DLGAP1: variants seen among roughly 807,000 people sequenced by gnomAD.
The protein encoded by DLGAP1 is DLG associated protein 1, also known as disks large-associated protein 1.
A neutral mutation model predicts 90.8 loss-of-function variants in DLGAP1; 11 were observed. The ratio of observed to expected loss-of-function variants is 0.12; its 90% confidence interval spans 0.08 to 0.20. The LOEUF (loss-of-function observed/expected upper bound fraction) is 0.20, where lower values mean the gene tolerates loss of function less well. Ranked by LOEUF, DLGAP1 falls within the 10% of genes least tolerant of loss-of-function variation. The pLI, the probability that DLGAP1 is intolerant of heterozygous loss-of-function variation, is 1.00. For missense variants in DLGAP1, 1,050 were observed against 1,333.8 expected, an observed-to-expected ratio of 0.79 and a Z score of 3.31; for synonymous variants, 558 against 540.7, an observed-to-expected ratio of 1.03 and a Z score of -0.44.
chr18:4,327,715 T>G (rs2080854006), intron 1 of DLGAP1, among the ~76,000 whole-genome samples: 1 of 152,070 alleles, frequency 6.6e-6, no homozygotes, highest in South Asian at 2.1e-4. Context: ...GTGAAAGCTC[T>G]CTTGCATCCA....
chr18:3,939,466 A>C (rs2072720987), intron 3 of DLGAP1, among the ~76,000 whole-genome samples: 1 of 150,804 alleles, frequency 6.6e-6, no homozygotes, highest in Non-Finnish European at 1.5e-5. Flanking sequence ...AAAAAAACAA[A>C]CAAACAAAAA....
At chr18:4,406,943 T>A (rs1227210700) in intron 1 of DLGAP1, among the ~76,000 whole-genome samples, 1 of 152,208 alleles carries the variant, frequency 6.6e-6, no homozygotes, top group Non-Finnish European at 1.5e-5. Flanking sequence ...AAAAGCAATT[T>A]CTGTGGTCTC....
At chr18:3,772,954 C>CT (rs1341256765) in intron 5 of DLGAP1, among the ~76,000 whole-genome samples, 1 of 152,152 alleles carries the variant, frequency 6.6e-6, no homozygotes, top group African/African-American at 2.4e-5. Flanking sequence ...GCCCCTGGTC[C>CT]TTACCTTAGT....
At chr18:4,074,856 T>C (rs2075501064) in intron 2 of DLGAP1, among the ~76,000 whole-genome samples, 1 of 152,152 alleles carries the variant, frequency 6.6e-6, no homozygotes, top group Non-Finnish European at 1.5e-5. Context: ...CATCTCATAC[T>C]GGAATACAGT....
chr18:3,528,460 A>G (rs896319264), intron 10 of DLGAP1, among the ~76,000 whole-genome samples: 1 of 152,216 alleles, frequency 6.6e-6, no homozygotes, highest in Non-Finnish European at 1.5e-5. Flanking sequence ...ACAGATCTGC[A>G]TGGCGGGCTT....
At chr18:4,423,105 C>T (rs1410375332) in intron 1 of DLGAP1, among the ~76,000 whole-genome samples, 1 of 151,970 alleles carries the variant, frequency 6.6e-6, no homozygotes, top group Admixed American at 6.6e-5. Context: ...GTAGCTCAAA[C>T]CTAAAAAAAT....
intron 1 of DLGAP1, among the ~76,000 whole-genome samples, chr18:4,331,929 G>A (rs548299438): frequency 6.6e-6 from 1 of 151,994 alleles, no homozygotes; most frequent in East Asian, 1.9e-4. Flanking sequence ...GCTTCATGCT[G>A]AGAAGGAAAT....
At chr18:4,434,698 T>C (rs966441899) in intron 1 of DLGAP1, among the ~76,000 whole-genome samples, 1 of 152,092 alleles carries the variant, frequency 6.6e-6, no homozygotes, top group African/African-American at 2.4e-5. Flanking sequence ...TGCAATACAT[T>C]GTAAGGAGTA....
At chr18:4,031,977 A>C (rs545076603) in intron 2 of DLGAP1, among the ~76,000 whole-genome samples, 1 of 152,344 alleles carries the variant, frequency 6.6e-6, no homozygotes, top group Non-Finnish European at 1.5e-5. Context: ...CAGATAAACA[A>C]GGTAGCATTA....
chr18:4,146,929 T>C (rs2076594871), intron 2 of DLGAP1, among the ~76,000 whole-genome samples: 1 of 152,170 alleles, frequency 6.6e-6, no homozygotes. Context: ...GCCCAATTTC[T>C]GGAATAAATC....
intron 8 of DLGAP1, among the ~76,000 whole-genome samples, chr18:3,573,376 G>T (rs1309462251): frequency 6.6e-6 from 1 of 152,098 alleles, no homozygotes; most frequent in South Asian, 2.1e-4. Context: ...GTAGCGCGTG[G>T]ATGTAGTCCC....
At position 4,378,121 on chromosome 18, in the gene DLGAP1, T is replaced by G. The variant is rs1214017487; in HGVS notation, c.-267+76885A>C. ...AATATATAACATATATTAGAAATATTGTATATAAAATTTATATTATATATA... is the reference window on the plus strand; with the variant it reads ...AATATATAACATATATTAGAAATATGGTATATAAAATTTATATTATATATA... On this transcript the variant is annotated intron_variant, in intron 1 of 12. Coordinates refer to ENST00000315677, the MANE Select transcript of DLGAP1 (RefSeq NM_004746.4). The surrounding 1 kb of genome is among the most constrained non-coding windows in gnomAD (Gnocchi z 4.5). 6.7e-6 allele frequency among the ~76,000 whole-genome samples: 1 copy of G among 148,568 alleles called. No homozygotes were observed. Among genetic ancestry groups the G allele is most frequent in the Non-Finnish European group, 1.5e-5 (1 of 67,250 alleles).
intron 2 of DLGAP1, among the ~76,000 whole-genome samples, chr18:4,011,601 G>A (rs2074423836): frequency 6.6e-6 from 1 of 152,056 alleles, no homozygotes; most frequent in African/African-American, 2.4e-5. Flanking sequence ...AGGATTGCTT[G>A]AGCTCAGTAG....
At chr18:3,623,780 A>G (rs1260509187) in intron 7 of DLGAP1, among the ~76,000 whole-genome samples, 1 of 65,432 alleles carries the variant, frequency 1.5e-5, no homozygotes, top group Non-Finnish European at 2.8e-5. Flanking sequence ...CCGTCTCAAA[A>G]AAAAAAAAAA....
chr18:3,499,307 G>T lies in DLGAP1; in HGVS notation c.2812C>A (p.Arg938Ser), dbSNP rs779326875. 1 of 1,579,652 alleles carries T rather than the reference G, an allele frequency of 6.3e-7. No individual in the cohort carries two copies. Residue 938 changes from arginine (R) to serine (S), a missense_variant, in exon 13 of 13, where the codon CGC becomes AGC. By Grantham distance (110) the Arg-to-Ser change is moderately radical (BLOSUM62 -1). Around this residue, in one of 2 missense-constraint regions of DLGAP1, gnomAD observed 565 missense variants for 879.7 expected, o/e 0.64. Transcript: ENST00000315677. This position sits in a 1 kb window ranked among gnomAD's most constrained non-coding sequence, Gnocchi z 6.4. ...ATCAGGCGCTTGCGGGCCTCCTGGC[G>T]CTGCGAGCTCTCCAGCGAGCGCTCC... is the stretch of plus-strand genomic sequence containing the variant. The part of the protein sequence containing the change: ...IRERSLESSQ[R>S]QEARKRLMAA...
Position 3,547,193 on chromosome 18 carries a change from C to A in DLGAP1, c.2058-12578G>T, listed in dbSNP as rs573310348. Reference sequence around the variant, plus strand: ...GCGGGCGCCGGTAGTCCCAGCTACTCGGGAGGCTGAGGCAGGAGAATGGCT... The same window carrying A: ...GCGGGCGCCGGTAGTCCCAGCTACTAGGGAGGCTGAGGCAGGAGAATGGCT... On this transcript the variant is annotated intron_variant, in intron 9 of 12. Coordinates refer to ENST00000315677, the MANE Select transcript of DLGAP1 (RefSeq NM_004746.4). Among the ~76,000 whole-genome samples, 127 of 147,640 alleles carry A rather than the reference C, an allele frequency of 8.6e-4. 1 individual carries two copies. The highest frequency in any genetic ancestry group is 3.1e-3 in the African/African-American group (121 of 39,622).
intron 7 of DLGAP1, among the ~76,000 whole-genome samples, chr18:3,713,920 C>T (rs1234057337): frequency 6.6e-6 from 1 of 152,128 alleles, no homozygotes; most frequent in Non-Finnish European, 1.5e-5. Flanking sequence ...AAACAGGCAG[C>T]CAAGTGGGGA....
At chr18:3,840,506 C>T (rs1428262378) in intron 4 of DLGAP1, among the ~76,000 whole-genome samples, 2 of 152,202 alleles carry the variant, frequency 1.3e-5, no homozygotes, top group East Asian at 3.8e-4. Context: ...TAAAAGAACA[C>T]TTGTGATTAC....
At chr18:4,042,236 A>T (rs2074985967) in intron 2 of DLGAP1, among the ~76,000 whole-genome samples, 1 of 152,200 alleles carries the variant, frequency 6.6e-6, no homozygotes, top group African/African-American at 2.4e-5. Flanking sequence ...GGTTTGCAAA[A>T]ATCACATGTT....
Sources: gnomAD v4.1 joint callset for allele counts (sites outside exome capture counted in the v4.1 genomes callset) on GRCh38, gnomAD v4.1.1 for gene constraint, gnomAD v4.1.1 regional missense constraint, Gnocchi (gnomAD v3.1) non-coding constraint, MANE v1.5 for transcripts, NCBI Gene and HGNC (gene_info 2026-07-23, HGNC 2026-07-21) for gene names.